DTNA: variants seen among roughly 807,000 people sequenced by gnomAD.
DTNA encodes the protein dystrophin-related protein 3.
Under a neutral mutation model 100.7 loss-of-function variants are expected in DTNA, and 43 were observed. The observed-to-expected ratio is 0.43, with a 90% CI of 0.33 to 0.55. DTNA has a LOEUF of 0.55. Among genes scored for constraint, DTNA ranks in the 20% least tolerant of loss-of-function variants. The pLI, the probability that DTNA is intolerant of heterozygous loss-of-function variation, is 0.04. For synonymous variants in DTNA, 349 were observed against 347.9 expected, an observed-to-expected ratio of 1.00 and a Z score of -0.04; for missense variants, 798 against 953.9, an observed-to-expected ratio of 0.84 and a Z score of 2.15.
At chr18:34,847,283 A>G (rs2096396798) in intron 13 of DTNA, among the ~76,000 whole-genome samples, 1 of 152,136 alleles carries the variant, frequency 6.6e-6, no homozygotes, top group Admixed American at 6.6e-5. Flanking sequence ...AATTTATAGG[A>G]GGCACTAAAA....
intron 3 of DTNA, among the ~76,000 whole-genome samples, chr18:34,786,175 C>G (rs1034964885): frequency 2.0e-5 from 3 of 152,138 alleles, no homozygotes; most frequent in Non-Finnish European, 4.4e-5. Context: ...TGCTTATATG[C>G]GTGTTCATCT....
intron 3 of DTNA, among the ~76,000 whole-genome samples, chr18:34,772,760 T>C (rs772072949): frequency 2.0e-5 from 3 of 152,250 alleles, no homozygotes; most frequent in Non-Finnish European, 4.4e-5. Context: ...ACACATTTAT[T>C]ATCTTACAGT....
At chr18:34,772,926 G>A (rs2093855260) in intron 3 of DTNA, among the ~76,000 whole-genome samples, 1 of 152,166 alleles carries the variant, frequency 6.6e-6, no homozygotes, top group East Asian at 1.9e-4. Flanking sequence ...ATTTTCTTGT[G>A]GTTGTAGGAT....
In DTNA at chr18:34,742,705, G is replaced by A. The variant is rs558159497; in HGVS notation, c.-1-13271G>A. Among the ~76,000 whole-genome samples, 190 of 50,044 alleles carry A rather than the reference G, an allele frequency of 3.8e-3. 2 individuals are homozygous for A. The highest frequency in any genetic ancestry group is 0.011 in the African/African-American group (174 of 15,158). 32.8% of individuals were successfully genotyped at this position (50,044 alleles called of 152,430 possible). On this transcript the variant is annotated intron_variant, in intron 1 of 22. Transcript: ENST00000444659. ...TATCCTGTCTATTTCATCAGCCTTC[G>A]TTTTCTCTTCTTAAAAACAGGGTAA...
intron 1 of DTNA, among the ~76,000 whole-genome samples, chr18:34,753,529 C>T: frequency 6.9e-6 from 1 of 145,900 alleles, no homozygotes; most frequent in East Asian, 1.9e-4. Flanking sequence ...ACTACAGGCG[C>T]CCGCCACTAC....
intron 1 of DTNA, among the ~76,000 whole-genome samples, chr18:34,719,543 C>G (rs1043405438): frequency 6.6e-6 from 1 of 152,042 alleles, no homozygotes; most frequent in Non-Finnish European, 1.5e-5. Context: ...GCCATCCTGC[C>G]TACTCTTAAT....
intron 1 of DTNA, among the ~76,000 whole-genome samples, chr18:34,528,608 C>T (rs2042867079): frequency 6.6e-6 from 1 of 151,952 alleles, no homozygotes; most frequent in African/African-American, 2.4e-5. Flanking sequence ...AAAGAACTAC[C>T]CAGAACTAAT....
chr18:34,582,244 C>T (rs1313604098), intron 1 of DTNA, among the ~76,000 whole-genome samples: 1 of 151,986 alleles, frequency 6.6e-6, no homozygotes, highest in Non-Finnish European at 1.5e-5. Flanking sequence ...TGACTGCTAC[C>T]CCCTACATCA....
At chr18:34,666,825 C>A (rs909724140) in intron 1 of DTNA, among the ~76,000 whole-genome samples, 1 of 152,120 alleles carries the variant, frequency 6.6e-6, no homozygotes, top group Admixed American at 6.5e-5. Context: ...GTTACTGTAG[C>A]CTTGTGGTAT....
At chr18:34,632,107 TTTAAA>T (rs879914422) in intron 1 of DTNA, among the ~76,000 whole-genome samples, 2 of 152,216 alleles carry the variant, frequency 1.3e-5, no homozygotes, top group Admixed American at 1.3e-4. Flanking sequence ...AATTAATCCA[TTTAAA>T]TTAAATTAAT....
chr18:34,754,939 G>A (rs1306027103), intron 1 of DTNA, among the ~76,000 whole-genome samples: 1 of 152,126 alleles, frequency 6.6e-6, no homozygotes, highest in Non-Finnish European at 1.5e-5. Context: ...ATAGGGAGAG[G>A]ACAATCCTGT....
intron 1 of DTNA, among the ~76,000 whole-genome samples, chr18:34,517,391 A>G (rs2041737381): frequency 6.6e-6 from 1 of 152,104 alleles, no homozygotes; most frequent in South Asian, 2.1e-4. Flanking sequence ...GTAATAAAAT[A>G]TCATAATGAG....
At chr18:34,862,332 A>G (rs2096640138) in intron 16 of DTNA, among the ~76,000 whole-genome samples, 1 of 151,792 alleles carries the variant, frequency 6.6e-6, no homozygotes, top group South Asian at 2.1e-4. Flanking sequence ...GGAAATTGAA[A>G]GAAAGATTGC....
chr18:34,778,313 T>C (rs2094154490), intron 3 of DTNA, among the ~76,000 whole-genome samples: 1 of 152,218 alleles, frequency 6.6e-6, no homozygotes, highest in Non-Finnish European at 1.5e-5. Context: ...GCAAAAGACT[T>C]TTAAAAAGAC....
intron 1 of DTNA, among the ~76,000 whole-genome samples, chr18:34,594,744 A>G (rs1363250553): frequency 1.3e-5 from 2 of 152,186 alleles, no homozygotes; most frequent in East Asian, 3.9e-4. Context: ...TAGTGAGGCC[A>G]AGCAAATGTG....
At position 34,665,236 on chromosome 18, in the gene DTNA, T is replaced by A. The variant is rs183047897; in HGVS notation, c.-1-90740T>A. On this transcript the variant is annotated intron_variant, in intron 1 of 19. Transcript: ENST00000283365. ...ACCACCCATATTTTGCACACAAATA[T>A]TTTTTTCCTTAGGGAAACAAGATAT... 2.6e-4 allele frequency among the ~76,000 whole-genome samples: 40 copies of A among 152,142 alleles called. No individual in the cohort carries two copies. In the East Asian group the frequency reaches 7.7e-3, roughly 29 times the overall value.
intron 1 of DTNA, among the ~76,000 whole-genome samples, chr18:34,685,951 G>A (rs1400331020): frequency 6.6e-6 from 1 of 152,130 alleles, no homozygotes; most frequent in Non-Finnish European, 1.5e-5. Flanking sequence ...TCTATTACTG[G>A]TGTATAGGAA....
In DTNA at chr18:34,827,579, GTGTTT is replaced by G. The variant is rs761165844; in HGVS notation, c.1002-7_1002-3del. On this transcript the variant is annotated splice_polypyrimidine_tract_variant and intron_variant, in intron 9 of 22. Transcript: ENST00000444659. Reference sequence around the variant, plus strand: ...TTTGTTTTAACTTTCCATTCACCCTGTGTTTTGTTTTAGGCCTCCCAGACCTGTAA... The same window carrying G: ...TTTGTTTTAACTTTCCATTCACCCTGTGTTTTAGGCCTCCCAGACCTGTAA... The G allele has an allele frequency of 6.8e-6, 11 of 1,613,266 alleles. No individual in the cohort carries two copies. The East Asian group carries it at 2.0e-4, about 29-fold the overall frequency.
At chr18:34,631,820 C>G (rs2058112379) in intron 1 of DTNA, among the ~76,000 whole-genome samples, 1 of 152,130 alleles carries the variant, frequency 6.6e-6, no homozygotes, top group Non-Finnish European at 1.5e-5. Context: ...GTTCATCACC[C>G]AAGAGTCACT....
Sources: gnomAD v4.1 joint callset for allele counts (sites outside exome capture counted in the v4.1 genomes callset) on GRCh38, gnomAD v4.1.1 for gene constraint, MANE v1.5 for transcripts, NCBI Gene and HGNC (gene_info 2026-07-23, HGNC 2026-07-21) for gene names.